The following OXR1 variants were observed in gnomAD, a reference collection of about 807,000 sequenced individuals.
OXR1 encodes the protein oxidation resistance protein 1.
Under a neutral mutation model 104.6 loss-of-function variants are expected in OXR1, and 41 were observed. That is an observed-to-expected ratio of 0.39 (90% CI 0.31 to 0.51). The LOEUF is 0.51. Among genes scored for constraint, OXR1 ranks in the 20% least tolerant of loss-of-function variants. The pLI, the probability that OXR1 is intolerant of heterozygous loss-of-function variation, is 0.77. For missense variants in OXR1, 955 were observed against 1,031.9 expected (o/e 0.93, Z 1.02); for synonymous variants, 348 against 348.4 (o/e 1.00, Z 0.01).
chr8:106,546,567 C>T (rs1324667496), intron 3 of OXR1, among the ~76,000 whole-genome samples: 2 of 152,088 alleles, frequency 1.3e-5, no homozygotes, highest in African/African-American at 2.4e-5. Flanking sequence ...AGGGGAAAAG[C>T]GAGCTGGAAG....
intron 11 of OXR1, chr8:106,726,426 A>ATT: frequency 1.7e-6 from 1 of 578,602 alleles, no homozygotes; most frequent in East Asian, 3.3e-5. Flanking sequence ...AGAATACAAA[A>ATT]TTTTATGATT....
At chr8:106,488,264 G>A (rs1038349790) in intron 2 of OXR1, among the ~76,000 whole-genome samples, 2 of 133,790 alleles carry the variant, frequency 1.5e-5, no homozygotes, top group Non-Finnish European at 3.2e-5. Context: ...ACTTTTTGAT[G>A]GGGTTGTTTG....
At chr8:106,644,685 CACACGTATGTGAA>C (rs1373528582) in intron 3 of OXR1, among the ~76,000 whole-genome samples, 30 of 152,118 alleles carry the variant, frequency 2.0e-4, no homozygotes, top group Admixed American at 2.0e-3. Flanking sequence ...CTGTTCTTTG[CACACGTATGTGAA>C]ACACATACAT....
In OXR1 at chr8:106,691,516, A is replaced by T. The variant is rs150758375; in HGVS notation, c.526-1212A>T. Among the ~76,000 whole-genome samples the T allele has an allele frequency of 4.6e-5, 7 of 151,642 alleles. No individual in the cohort carries two copies. The South Asian group carries it at 1.5e-3, about 31-fold the overall frequency. ...TACATTGACAAATTGGTATTGCTAT[A>T]GATACTGAGTTCAGACTTTCAGGTA... is the stretch of plus-strand genomic sequence containing the variant. On this transcript the variant is annotated intron_variant, in intron 6 of 16. Transcript: ENST00000517566.
At chr8:106,695,076 C>T (rs1034858394) in intron 7 of OXR1, among the ~76,000 whole-genome samples, 2 of 148,128 alleles carry the variant, frequency 1.4e-5, no homozygotes, top group Admixed American at 6.8e-5. Context: ...CTTTTATTTC[C>T]CCCTTCCAGC....
intron 3 of OXR1, among the ~76,000 whole-genome samples, chr8:106,607,781 A>G (rs1820511615): frequency 6.6e-6 from 1 of 152,034 alleles, no homozygotes; most frequent in Non-Finnish European, 1.5e-5. Context: ...TAGCAGGTCG[A>G]TGTTATTTCC....
chr8:106,507,506 T>C (rs961688898), intron 2 of OXR1, among the ~76,000 whole-genome samples: 1 of 152,212 alleles, frequency 6.6e-6, no homozygotes, highest in African/African-American at 2.4e-5. Context: ...CTTTTGAAAT[T>C]GACTACATGA....
chr8:106,447,229 T>C (rs1490846475), intron 2 of OXR1, among the ~76,000 whole-genome samples: 1 of 152,214 alleles, frequency 6.6e-6, no homozygotes, highest in African/African-American at 2.4e-5. Flanking sequence ...TTTTGGTAAC[T>C]GAGGCTAATC....
chr8:106,633,262 CAAA>C (rs913395480), intron 3 of OXR1, among the ~76,000 whole-genome samples: 1 of 149,640 alleles, frequency 6.7e-6, no homozygotes, highest in South Asian at 2.1e-4. Flanking sequence ...CAAACAACAA[CAAA>C]AAAAAAGCCA....
chr8:106,735,874 T>C (rs1394277785), intron 11 of OXR1, among the ~76,000 whole-genome samples: 5 of 152,236 alleles, frequency 3.3e-5, no homozygotes, highest in Non-Finnish European at 7.4e-5. Context: ...ATGTTAAAAA[T>C]AGTTGAGATG....
At chr8:106,351,892 T>C (rs1185773831) in intron 1 of OXR1, among the ~76,000 whole-genome samples, 1 of 152,210 alleles carries the variant, frequency 6.6e-6, no homozygotes, top group African/African-American at 2.4e-5. Flanking sequence ...ATATTCCTAT[T>C]TTACAAATGA....
At chr8:106,303,872 C>T (rs1002909794) in intron 1 of OXR1, among the ~76,000 whole-genome samples, 2 of 152,062 alleles carry the variant, frequency 1.3e-5, no homozygotes, top group Non-Finnish European at 1.5e-5. Flanking sequence ...AGTAATTTTT[C>T]GCTTAAGACA....
chr8:106,424,482 G>A (rs1819030193), intron 2 of OXR1, among the ~76,000 whole-genome samples: 1 of 151,992 alleles, frequency 6.6e-6, no homozygotes, highest in Admixed American at 6.6e-5. Context: ...CTAGTAAGTG[G>A]GAGCAAAACT....
intron 2 of OXR1, among the ~76,000 whole-genome samples, chr8:106,515,905 A>C (rs910026897): frequency 2.0e-5 from 3 of 152,144 alleles, no homozygotes; most frequent in African/African-American, 7.2e-5. Flanking sequence ...ACTGTGAGAT[A>C]CAGCTTTCAC....
At chr8:106,640,513 C>G (rs1362300736) in intron 3 of OXR1, among the ~76,000 whole-genome samples, 1 of 151,712 alleles carries the variant, frequency 6.6e-6, no homozygotes, top group Non-Finnish European at 1.5e-5. Context: ...TTTATTTTAT[C>G]TAAGACATAT....
intron 3 of OXR1, among the ~76,000 whole-genome samples, chr8:106,555,917 CGT>C (rs1816231965): frequency 2.3e-5 from 1 of 43,578 alleles, no homozygotes; most frequent in African/African-American, 8.3e-5. Flanking sequence ...TGTAGGCATA[CGT>C]ATATATATGT....
At chr8:106,385,551 C>T (rs1165771366) in intron 2 of OXR1, among the ~76,000 whole-genome samples, 7 of 152,142 alleles carry the variant, frequency 4.6e-5, no homozygotes, top group Admixed American at 4.6e-4. Context: ...AAGTACTTTA[C>T]ACCCCACCAA....
chr8:106,590,693 A>G (rs1423829586), intron 3 of OXR1, among the ~76,000 whole-genome samples: 3 of 152,188 alleles, frequency 2.0e-5, no homozygotes, highest in African/African-American at 7.2e-5. Flanking sequence ...GTCTCCATCT[A>G]TTTGTACCAG....
intron 2 of OXR1, among the ~76,000 whole-genome samples, chr8:106,404,560 A>G (rs13439057): frequency 6.6e-6 from 1 of 151,794 alleles, no homozygotes; most frequent in Non-Finnish European, 1.5e-5. Flanking sequence ...TTTCTACCAC[A>G]TAAAAACTGG....
Sources: allele counts gnomAD v4.1 joint callset (sites outside exome capture counted in the v4.1 genomes callset), GRCh38; gene constraint gnomAD v4.1.1; transcripts MANE v1.5; gene names NCBI Gene and HGNC (gene_info 2026-07-23, HGNC 2026-07-21).